Variants in SLC12A6 observed in about 807,000 individuals in gnomAD.
SLC12A6 encodes the protein K-Cl cotransporter 3.
Under a neutral mutation model 135.3 loss-of-function variants are expected in SLC12A6, and 66 were observed. The ratio of observed to expected loss-of-function variants is 0.49; its 90% CI spans 0.40 to 0.60. The LOEUF (loss-of-function observed/expected upper bound fraction) is 0.60, where lower values mean the gene tolerates loss of function less well. Ranked by LOEUF, SLC12A6 falls within the 20% of genes least tolerant of loss-of-function variation. The pLI is 0.00. For synonymous variants in SLC12A6, 513 were observed against 508.8 expected (o/e 1.01, Z -0.11); for missense variants, 1,058 against 1,452.3 (o/e 0.73, Z 4.41).
chr15:34,237,697 T>C, intron 21 of SLC12A6, 147 bp from the exon 22 acceptor site: 1 of 666,190 alleles, frequency 1.5e-6, no homozygotes, highest in African/African-American at 1.8e-5. Flanking sequence ...GCTATGTTAT[T>C]GTATTAGGGC....
intron 13 of SLC12A6, among the ~76,000 whole-genome samples, chr15:34,248,941 C>T (rs563336769): frequency 1.3e-5 from 2 of 152,048 alleles, no homozygotes; most frequent in East Asian, 1.9e-4. Context: ...TACGTGGAGA[C>T]ATAATAAGAC....
In SLC12A6 at chr15:34,241,223, A is replaced by AT; in HGVS notation, c.2267+9dup. On this transcript the variant is annotated intron_variant, in intron 18 of 25. Coordinates refer to ENST00000354181, the MANE Select transcript of SLC12A6 (RefSeq NM_001365088.1). The stretch of plus-strand genomic sequence containing the variant: ...CATGTGCCAAATACTGCTAGTGTTG[A>AT]TTTCTTTACCTCCAGTTTTTAGTGT... 7.0e-7 allele frequency: 1 copy of AT among 1,433,228 alleles called. No homozygotes were observed. The highest frequency in any genetic ancestry group is 9.9e-7 in the Non-Finnish European group (1 of 1,014,904). The allele number at this position is 1,433,228 out of a possible 1,614,324, so 88.8% of individuals were successfully genotyped here. A position where few individuals can be genotyped will look rare whatever the true frequency, so the allele number is the denominator to read the frequency against.
chr15:34,234,783 CTA>C (rs929029625), intron 25 of SLC12A6, among the ~76,000 whole-genome samples: 37 of 152,298 alleles, frequency 2.4e-4, no homozygotes, highest in African/African-American at 7.5e-4. Flanking sequence ...GGAAGAATCC[CTA>C]TCTCTTTTTT....
In SLC12A6 at chr15:34,282,198, C is replaced by T. The variant is rs138431444; in HGVS notation, c.272-6809G>A. Among the ~76,000 whole-genome samples the T allele has an allele frequency of 2.8e-3, 429 of 152,158 alleles. 1 individual carries two copies. Among genetic ancestry groups the T allele is most frequent in the African/African-American group, 9.4e-3 (392 of 41,496 alleles). On this transcript the variant is annotated intron_variant, in intron 2 of 25. Coordinates refer to ENST00000354181, the MANE Select transcript of SLC12A6 (RefSeq NM_001365088.1). Reference sequence around the variant, plus strand: ...ATATTAATAGGGATTTGGTAAGAAACGGTTTGGGGCAGGGATTGTAAGTAG... The same window carrying T: ...ATATTAATAGGGATTTGGTAAGAAATGGTTTGGGGCAGGGATTGTAAGTAG...
At chr15:34,323,677 A>G (rs907529038) in intron 2 of SLC12A6, among the ~76,000 whole-genome samples, 6 of 152,302 alleles carry the variant, frequency 3.9e-5, no homozygotes, top group East Asian at 1.9e-4. Context: ...GCATCCAGGC[A>G]TGGTGGCTCA....
chr15:34,269,395 G>C (rs1893755112), intron 3 of SLC12A6, among the ~76,000 whole-genome samples: 1 of 151,544 alleles, frequency 6.6e-6, no homozygotes, highest in Non-Finnish European at 1.5e-5. Flanking sequence ...CTATAATGTT[G>C]CATTTGTCAA....
At chr15:34,248,811 T>A (rs1281177158) in intron 13 of SLC12A6, among the ~76,000 whole-genome samples, 1 of 151,936 alleles carries the variant, frequency 6.6e-6, no homozygotes, top group Non-Finnish European at 1.5e-5. Context: ...TTTGGGTGAG[T>A]ATGGGAAAGC....
intron 2 of SLC12A6, among the ~76,000 whole-genome samples, chr15:34,283,744 T>C (rs1894842866): frequency 6.7e-6 from 1 of 149,860 alleles, no homozygotes; most frequent in African/African-American, 2.5e-5. Flanking sequence ...GTAAAACGAC[T>C]GAAAGGTTAG....
Position 34,235,178 on chromosome 15 carries a change from T to C in SLC12A6, c.3361+3A>G. 6.2e-7 allele frequency: 1 copy of C among 1,613,770 alleles called. No individual in the cohort carries two copies. The highest frequency in any genetic ancestry group is 8.5e-7 in the Non-Finnish European group (1 of 1,179,662). ...CTGGAAGCCCCACTCTTGGAAAGGA[T>C]ACAGTTTTCATCACCCTCAGGGTTT... On this transcript the variant is annotated splice_donor_region_variant and intron_variant, in intron 25 of 25. Transcript: ENST00000354181.
chr15:34,331,057 C>CAAT (rs530201789), intron 2 of SLC12A6, among the ~76,000 whole-genome samples: 23 of 151,892 alleles, frequency 1.5e-4, no homozygotes, highest in Admixed American at 1.4e-3. Context: ...ATAATAATAA[C>CAAT]AATAATAATA....
chr15:34,315,867 A>T (rs35337952), intron 2 of SLC12A6, among the ~76,000 whole-genome samples: 5,173 of 150,226 alleles, frequency 0.034, 99 homozygotes, highest in Non-Finnish European at 0.046. Context: ...TAGTCCCAGG[A>T]GGTGGAGGTT....
intron 17 of SLC12A6, 36 bp downstream of exon 17, chr15:34,242,066 A>T: frequency 6.4e-7 from 1 of 1,559,180 alleles, no homozygotes; most frequent in Non-Finnish European, 8.8e-7. Context: ...TAGTCTTGCT[A>T]CTTTTAGCAG....
chr15:34,240,876 G>C (rs749301070), intron 18 of SLC12A6, 47 bp from the exon 19 acceptor site: 1 of 1,493,298 alleles, frequency 6.7e-7, no homozygotes, highest in Non-Finnish European at 9.2e-7. Context: ...AAACATTTTG[G>C]GTTTGGGGAA....
chr15:34,283,382 A>T (rs560449430), intron 2 of SLC12A6, among the ~76,000 whole-genome samples: 1 of 152,048 alleles, frequency 6.6e-6, no homozygotes, highest in Non-Finnish European at 1.5e-5. Flanking sequence ...ATAATTAATA[A>T]GATAATTTCA....
intron 2 of SLC12A6, among the ~76,000 whole-genome samples, chr15:34,298,128 A>G (rs1243198096): frequency 6.6e-6 from 1 of 152,158 alleles, no homozygotes; most frequent in Non-Finnish European, 1.5e-5. Flanking sequence ...GGGGAAAAAT[A>G]CACAATTATG....
chr15:34,284,277 C>CTTTTTTTTTTTTTTT (rs71415558), intron 2 of SLC12A6, among the ~76,000 whole-genome samples: 15 of 92,480 alleles, frequency 1.6e-4, no homozygotes, highest in East Asian at 7.2e-4. Flanking sequence ...TGTTTCTTTT[C>CTTTTTTTTTTTTTTT]TTTTTTTTTT....
chr15:34,336,831 AATACTTCT>A (rs2141214575), intron 1 of SLC12A6, 79 bp from the exon 2 acceptor site: 1 of 693,222 alleles, frequency 1.4e-6, no homozygotes, highest in South Asian at 1.6e-5. Context: ...CCCAACTAAG[AATACTTCT>A]ACTCAGAATT....
chr15:34,286,988 AG>A (rs1895128371), intron 2 of SLC12A6, among the ~76,000 whole-genome samples: 1 of 151,324 alleles, frequency 6.6e-6, no homozygotes, highest in South Asian at 2.1e-4. Flanking sequence ...CAAATGCCAA[AG>A]CAAGTACTTT....
chr15:34,250,369 A>G lies in SLC12A6; in HGVS notation c.1592-14T>C. ...CATTGCTTAAATCTACCATATTGAGAGTCAAGGAAACTGTTGTTTACCCTC... is the reference window on the plus strand; with the variant it reads ...CATTGCTTAAATCTACCATATTGAGGGTCAAGGAAACTGTTGTTTACCCTC... On this transcript the variant is annotated splice_polypyrimidine_tract_variant and intron_variant, in intron 12 of 25. Coordinates refer to ENST00000354181, the MANE Select transcript of SLC12A6 (RefSeq NM_001365088.1). The G allele has an allele frequency of 6.5e-7, 1 of 1,549,878 alleles. No homozygotes were observed. The highest frequency in any genetic ancestry group is 1.4e-5 in the African/African-American group (1 of 73,822).
Sources: allele counts gnomAD v4.1 joint callset (sites outside exome capture counted in the v4.1 genomes callset), GRCh38; gene constraint gnomAD v4.1.1; transcripts MANE v1.5; gene names NCBI Gene and HGNC (gene_info 2026-07-23, HGNC 2026-07-21).